Variants in ST6GALNAC2 observed in about 807,000 individuals in gnomAD.
ST6GALNAC2 encodes the protein ST6 N-acetylgalactosaminide alpha-2,6-sialyltransferase 2, also known as alpha-N-acetylgalactosaminide alpha-2,6-sialyltransferase 2.
In ST6GALNAC2, 42 loss-of-function variants were observed where a neutral mutation model predicts 38.7. That is an observed-to-expected ratio of 1.09 (90% confidence interval 0.85 to 1.40). The LOEUF is 1.40. ST6GALNAC2 is among the 40% of genes most tolerant of loss of function. ST6GALNAC2 has a pLI of 0.00. For missense variants in ST6GALNAC2, 506 were observed against 481.7 expected (o/e 1.05, Z -0.47); for synonymous variants, 233 against 209.0 (o/e 1.11, Z -0.99).
Position 76,585,782 on chromosome 17 carries a change from G to C in ST6GALNAC2, c.27C>G (p.Phe9Leu). Residue 9 changes from phenylalanine (F) to leucine (L), a missense_variant, in exon 1 of 9, where the codon TTC becomes TTG. Transcript: ENST00000225276. MGLPRGSFFWLLLLLTAAC... is the reference protein window; with the variant it reads MGLPRGSFLWLLLLLTAAC... ...CAGCCGTGAGCAGGAGCAGCAGCCA[G>C]AAGAACGACCCGCGCGGGAGCCCCA... The C allele has an allele frequency of 1.3e-6, 2 of 1,555,366 alleles. No homozygotes were observed. The highest frequency in any genetic ancestry group is 1.2e-5 in the South Asian group (1 of 84,564).
chr17:76,568,447 A>T (rs574951678), intron 7 of ST6GALNAC2: 5 of 488,030 alleles, frequency 1.0e-5, no homozygotes, highest in Non-Finnish European at 1.8e-5. Context: ...CCCAGCTCCC[A>T]GTCTGTGCCT....
At chr17:76,577,050 A>C (rs904580142) in intron 2 of ST6GALNAC2, among the ~76,000 whole-genome samples, 1 of 137,944 alleles carries the variant, frequency 7.2e-6, no homozygotes, top group Non-Finnish European at 1.5e-5. Context: ...CAAATTAACA[A>C]ATTCTTTTTT....
intron 6 of ST6GALNAC2, chr17:76,569,065 C>T (rs1382233340): frequency 4.5e-5 from 10 of 222,718 alleles, no homozygotes; most frequent in Non-Finnish European, 7.4e-5. Flanking sequence ...TGGGAAGGGG[C>T]AGTTAAACTG....
chr17:76,582,983 T>A (rs11077836), intron 1 of ST6GALNAC2, among the ~76,000 whole-genome samples: 115,080 of 152,224 alleles, frequency 0.76, 43,809 homozygotes, highest in East Asian at 0.84. Flanking sequence ...ATCTTTTTTT[T>A]AAAAAAGCAT....
At chr17:76,567,590 A>T in intron 7 of ST6GALNAC2, 38 bp from the exon 8 acceptor site, 2 of 1,362,230 alleles carry the variant, frequency 1.5e-6, no homozygotes, top group African/African-American at 1.4e-5. Flanking sequence ...CACTAGCTTG[A>T]TGGCTATCAT....
intron 5 of ST6GALNAC2, among the ~76,000 whole-genome samples, chr17:76,571,801 C>T (rs926125841): frequency 6.6e-6 from 1 of 152,176 alleles, no homozygotes; most frequent in Admixed American, 6.5e-5. Context: ...GTGGCTGTGG[C>T]ACCCACAGCC....
rs1392959942 is a variant in ST6GALNAC2, at chr17:76,565,503, ACCCT to A, written c.*597_*600del. ...GCAACTAACCCCCATCAAGTGCCAG[ACCCT>A]CCCAGTGTTCTGAGAGTCATCTCCA... On this transcript the variant is annotated 3_prime_UTR_variant, in exon 9 of 9. Transcript: ENST00000225276. 4.0e-5 allele frequency: 6 copies of A among 148,752 alleles called. No homozygotes were observed. Among genetic ancestry groups the A allele is most frequent in the African/African-American group, 1.5e-4 (6 of 39,994 alleles). The allele number at this position is 148,752 out of a possible 1,614,324, so 9.2% of individuals were successfully genotyped here.
intron 5 of ST6GALNAC2, chr17:76,570,944 G>A: frequency 2.6e-6 from 1 of 389,944 alleles, no homozygotes; most frequent in East Asian, 4.7e-5. Context: ...GGAAAGTGAT[G>A]GTGTGTGGCT....
chr17:76,569,705 A>T (rs999223961), intron 6 of ST6GALNAC2: 7 of 394,158 alleles, frequency 1.8e-5, no homozygotes, highest in Non-Finnish European at 3.1e-5. Flanking sequence ...CTAAGGGCCC[A>T]AGCCCAGCGT....
chr17:76,581,783 G>A (rs1383913711), intron 1 of ST6GALNAC2, among the ~76,000 whole-genome samples: 1 of 152,210 alleles, frequency 6.6e-6, no homozygotes, highest in Non-Finnish European at 1.5e-5. Context: ...GGTTTTACCA[G>A]CCTGAGGAGG....
chr17:76,582,135 G>A (rs1324936285), intron 1 of ST6GALNAC2, among the ~76,000 whole-genome samples: 1 of 148,722 alleles, frequency 6.7e-6, no homozygotes, highest in Non-Finnish European at 1.5e-5. Context: ...AAAGTACTGG[G>A]GTTACAAGCG....
intron 1 of ST6GALNAC2, among the ~76,000 whole-genome samples, chr17:76,580,295 G>A (rs1194636385): frequency 1.3e-5 from 2 of 152,014 alleles, no homozygotes; most frequent in South Asian, 2.1e-4. Context: ...GCACATGCCT[G>A]TAATCCCAGC....
At chr17:76,585,025 G>A (rs1346503077) in intron 1 of ST6GALNAC2, among the ~76,000 whole-genome samples, 1 of 152,282 alleles carries the variant, frequency 6.6e-6, no homozygotes. Context: ...GCCTAGGGAG[G>A]AGGAGGGAGT....
intron 8 of ST6GALNAC2, among the ~76,000 whole-genome samples, chr17:76,566,702 A>G (rs1444397190): frequency 2.6e-4 from 18 of 69,234 alleles, no homozygotes; most frequent in African/African-American, 1.1e-3. Context: ...CAAAAAGTAA[A>G]AAAAAAAAAA....
intron 1 of ST6GALNAC2, among the ~76,000 whole-genome samples, chr17:76,579,366 T>C (rs2075451394): frequency 6.6e-6 from 1 of 152,182 alleles, no homozygotes. Context: ...AGTGAGATGG[T>C]GGCTTAAAAT....
At position 76,567,465 on chromosome 17, in the gene ST6GALNAC2, A is replaced by T; in HGVS notation, c.945T>A (p.His315Gln). 6.2e-7 allele frequency: 1 copy of T among 1,613,476 alleles called. No homozygotes were observed. Among genetic ancestry groups the T allele is most frequent in the Non-Finnish European group, 8.5e-7 (1 of 1,179,486 alleles). ...GAAGGCCTCTTACCTGGTCACAGGTATGCAAAGCTGTCAGCAGCATGAGAG... is the reference window on the plus strand; with the variant it reads ...GAAGGCCTCTTACCTGGTCACAGGTTTGCAAAGCTGTCAGCAGCATGAGAG... ...TGALMLLTAL[H>Q]TCDQVSAYGF... is the part of the protein sequence containing the mutation. The change falls in exon 8 of 9, where the codon CAT (histidine) becomes CAA (glutamine). Residue 315 changes from histidine (H) to glutamine (Q), a missense_variant. By Grantham distance (24) the His-to-Gln change is conservative (BLOSUM62 0). Coordinates refer to ENST00000225276, the MANE Select transcript of ST6GALNAC2 (RefSeq NM_006456.3).
chr17:76,573,378 G>T lies in ST6GALNAC2; in HGVS notation c.362-15C>A. On this transcript the variant is annotated splice_polypyrimidine_tract_variant and intron_variant, in intron 3 of 8. Coordinates refer to ENST00000225276, the MANE Select transcript of ST6GALNAC2 (RefSeq NM_006456.3). This position sits in a 1 kb window ranked among gnomAD's most constrained non-coding sequence, Gnocchi z 5.1. ...GGAGGCGATGACTGTGGGTGCAGAT[G>T]GGGAGCAGCCATGAGGAGGGCTGGC... 1 of 1,515,788 alleles carries T rather than the reference G, an allele frequency of 6.6e-7. No individual in the cohort carries two copies. The highest frequency in any genetic ancestry group is 8.9e-7 in the Non-Finnish European group (1 of 1,129,860). 93.9% of individuals were successfully genotyped at this position (1,515,788 alleles called of 1,614,324 possible).
At chr17:76,580,539 CA>C (rs1275727300) in intron 1 of ST6GALNAC2, among the ~76,000 whole-genome samples, 6 of 151,786 alleles carry the variant, frequency 4.0e-5, no homozygotes, top group Non-Finnish European at 8.8e-5. Context: ...ACTAAAAATA[CA>C]AAAAAATTAG....
chr17:76,575,552 G>A (rs147773875), intron 2 of ST6GALNAC2, among the ~76,000 whole-genome samples: 49 of 152,352 alleles, frequency 3.2e-4, no homozygotes, highest in African/African-American at 1.2e-3. Context: ...GGCTTTCTTC[G>A]AGCCTTCGGA....
Sources: gnomAD v4.1 joint callset for allele counts (sites outside exome capture counted in the v4.1 genomes callset) on GRCh38, gnomAD v4.1.1 for gene constraint, Gnocchi (gnomAD v3.1) non-coding constraint, MANE v1.5 for transcripts, NCBI Gene and HGNC (gene_info 2026-07-23, HGNC 2026-07-21) for gene names.